Variants in ZSWIM6 observed in about 807,000 individuals in gnomAD.
ZSWIM6 encodes the protein zinc finger SWIM-type containing 6.
ZSWIM6 carries 9 observed loss-of-function variants against 113.2 expected under a neutral mutation model. That is an observed-to-expected ratio of 0.08 (90% CI 0.05 to 0.14). The LOEUF is 0.14. Ranked by LOEUF, ZSWIM6 falls within the 10% of genes least tolerant of loss-of-function variation. ZSWIM6 has a pLI of 1.00. For missense variants in ZSWIM6, 1,162 were observed against 1,552.2 expected, an observed-to-expected ratio of 0.75 and a Z score of 4.22; for synonymous variants, 611 against 606.5, an observed-to-expected ratio of 1.01 and a Z score of -0.11.
intron 1 of ZSWIM6, among the ~76,000 whole-genome samples, chr5:61,336,480 G>A (rs1318807268): frequency 1.3e-5 from 2 of 151,958 alleles, no homozygotes; most frequent in Admixed American, 1.3e-4. Context: ...CAAAAGGGCC[G>A]GGCGCAGTGA....
intron 1 of ZSWIM6, among the ~76,000 whole-genome samples, chr5:61,333,556 T>C (rs1744316478): frequency 6.6e-6 from 1 of 151,120 alleles, no homozygotes; most frequent in East Asian, 2.0e-4. Context: ...CCCGGGTCGC[T>C]GTGGCGTCTG....
intron 1 of ZSWIM6, among the ~76,000 whole-genome samples, chr5:61,434,508 A>G (rs796309213): frequency 1.3e-5 from 2 of 148,566 alleles, no homozygotes; most frequent in South Asian, 2.1e-4. Flanking sequence ...TTCGCATCCT[A>G]TAGTTTAGTT....
At chr5:61,503,097 CA>C (rs1251811628) in intron 4 of ZSWIM6, among the ~76,000 whole-genome samples, 8 of 152,178 alleles carry the variant, frequency 5.3e-5, no homozygotes, top group Admixed American at 4.6e-4. Context: ...AGGCTGCTTG[CA>C]AGCTTGTCTG....
At chr5:61,469,690 A>G (rs908072875) in intron 1 of ZSWIM6, among the ~76,000 whole-genome samples, 8 of 152,128 alleles carry the variant, frequency 5.3e-5, no homozygotes, top group South Asian at 4.2e-4. Context: ...ACCAGTTTTT[A>G]TAAGGCCTCC....
chr5:61,359,008 T>G (rs1484201142), intron 1 of ZSWIM6, among the ~76,000 whole-genome samples: 1 of 152,162 alleles, frequency 6.6e-6, no homozygotes, highest in Non-Finnish European at 1.5e-5. Flanking sequence ...TAGAGGACAT[T>G]TCAGGTGTAA....
intron 1 of ZSWIM6, among the ~76,000 whole-genome samples, chr5:61,432,338 G>GT (rs1304523932): frequency 2.0e-5 from 3 of 152,218 alleles, no homozygotes; most frequent in African/African-American, 2.4e-5. Context: ...CACAGAGTAC[G>GT]TAAGAGTGTT....
At chr5:61,337,828 G>A (rs1266164809) in intron 1 of ZSWIM6, among the ~76,000 whole-genome samples, 1 of 152,108 alleles carries the variant, frequency 6.6e-6, no homozygotes, top group African/African-American at 2.4e-5. Flanking sequence ...GGTTTTTGGG[G>A]GGGACTTTAA....
In ZSWIM6 at chr5:61,472,605, A is replaced by T; in HGVS notation, c.677-76A>T. ...TTCTTGCTGCTGTCAAGTCCCACAC[A>T]TTTCAAAGAATTAGAGCATTTCATA... is the stretch of plus-strand genomic sequence containing the variant. On this transcript the variant is annotated intron_variant, in intron 1 of 13. Transcript: ENST00000252744. The surrounding 1 kb of genome is among the most constrained non-coding windows in gnomAD (Gnocchi z 4.1). The T allele has an allele frequency of 8.4e-7, 1 of 1,197,248 alleles. No homozygotes were observed. The highest frequency in any genetic ancestry group is 1.9e-5 in the South Asian group (1 of 52,378). The allele number at this position is 1,197,248 out of a possible 1,614,324, so 74.2% of individuals were successfully genotyped here.
At chr5:61,366,598 AT>A (rs1198770868) in intron 1 of ZSWIM6, among the ~76,000 whole-genome samples, 1 of 152,212 alleles carries the variant, frequency 6.6e-6, no homozygotes, top group Non-Finnish European at 1.5e-5. Flanking sequence ...TTTGTAGTGT[AT>A]TTAGCTTTCT....
chr5:61,430,634 G>T (rs1484133571), intron 1 of ZSWIM6, among the ~76,000 whole-genome samples: 115 of 152,242 alleles, frequency 7.6e-4, no homozygotes, highest in African/African-American at 2.5e-3. Context: ...GCTGACTGCA[G>T]GAACTTGAGT....
chr5:61,369,671 C>T (rs1361779744), intron 1 of ZSWIM6, among the ~76,000 whole-genome samples: 3 of 152,130 alleles, frequency 2.0e-5, no homozygotes, highest in Admixed American at 6.5e-5. Flanking sequence ...TCCTGACTGA[C>T]GGGGCATTAG....
intron 1 of ZSWIM6, among the ~76,000 whole-genome samples, chr5:61,401,391 A>C (rs1419889190): frequency 1.3e-5 from 2 of 152,212 alleles, no homozygotes; most frequent in African/African-American, 4.8e-5. Context: ...TAAAGTTTAA[A>C]AAGCAATTCA....
chr5:61,481,930 C>G (rs1435876547), intron 2 of ZSWIM6, among the ~76,000 whole-genome samples: 1 of 152,138 alleles, frequency 6.6e-6, no homozygotes, highest in Non-Finnish European at 1.5e-5. Flanking sequence ...AATATTATAG[C>G]ATTTACTATT....
In ZSWIM6 at chr5:61,440,814, G is replaced by A. The variant is rs556440909; in HGVS notation, c.677-31867G>A. ...TTTAATGCGTGCCAGCCATGTGCCT[G>A]GTCCTGGTAGGTACTGGGGACACAA... On this transcript the variant is annotated intron_variant, in intron 1 of 13. Transcript: ENST00000252744. 3.9e-5 allele frequency among the ~76,000 whole-genome samples: 6 copies of A among 152,286 alleles called. No individual in the cohort carries two copies. The East Asian group carries it at 9.6e-4, about 24-fold the overall frequency.
chr5:61,512,682 A>G (rs1431257018), intron 4 of ZSWIM6, among the ~76,000 whole-genome samples: 1 of 152,056 alleles, frequency 6.6e-6, no homozygotes, highest in African/African-American at 2.4e-5. Context: ...ATACGTATAT[A>G]ATGGTATCTC....
intron 2 of ZSWIM6, among the ~76,000 whole-genome samples, chr5:61,480,248 G>A (rs549386229): frequency 1.1e-4 from 16 of 152,196 alleles, no homozygotes; most frequent in African/African-American, 3.9e-4. Context: ...TTGAACTGCT[G>A]AAGTAAATTA....
At chr5:61,463,789 T>G (rs1404482520) in intron 1 of ZSWIM6, among the ~76,000 whole-genome samples, 1 of 152,144 alleles carries the variant, frequency 6.6e-6, no homozygotes, top group East Asian at 1.9e-4. Flanking sequence ...TATTTGTGAC[T>G]TTTACAGTGC....
At chr5:61,458,805 G>A (rs1262420930) in intron 1 of ZSWIM6, among the ~76,000 whole-genome samples, 1 of 151,674 alleles carries the variant, frequency 6.6e-6, no homozygotes, top group Non-Finnish European at 1.5e-5. Flanking sequence ...TTGAACCCAT[G>A]AGGCGGGGGC....
At chr5:61,431,372 CAAAAAAAA>C (rs397881994) in intron 1 of ZSWIM6, among the ~76,000 whole-genome samples, 8 of 44,524 alleles carry the variant, frequency 1.8e-4, no homozygotes, top group African/African-American at 7.4e-4. Flanking sequence ...ACTCCATCTC[CAAAAAAAA>C]AAAAAAAAAA....
Sources: allele counts gnomAD v4.1 joint callset (sites outside exome capture counted in the v4.1 genomes callset), GRCh38; gene constraint gnomAD v4.1.1; non-coding constraint Gnocchi (gnomAD v3.1); transcripts MANE v1.5; gene names NCBI Gene and HGNC (gene_info 2026-07-23, HGNC 2026-07-21).